The following RASGRF1 variants were observed in gnomAD, a reference collection of about 807,000 sequenced individuals.
RASGRF1 encodes the protein ras-specific guanine nucleotide-releasing factor 1.
A neutral mutation model predicts 138.7 loss-of-function variants in RASGRF1; 40 were observed. The ratio of observed to expected loss-of-function variants is 0.29; its 90% CI spans 0.22 to 0.38. The LOEUF is 0.38. RASGRF1 is among the 10% of genes least tolerant of loss of function. The probability of loss-of-function intolerance (pLI) is 1.00; values close to 1 mark genes in which losing one functional copy is unlikely to be tolerated. For missense variants in RASGRF1, 1,108 were observed against 1,650.4 expected (o/e 0.67, Z 5.69); for synonymous variants, 614 against 663.2 (o/e 0.93, Z 1.14).
At chr15:79,064,603 G>T in intron 1 of RASGRF1, 77 bp from the exon 2 acceptor site, 1 of 1,356,930 alleles carries the variant, frequency 7.4e-7, no homozygotes, top group Non-Finnish European at 1.1e-6. Flanking sequence ...CAATCTAGCT[G>T]TTTTGCAAAG....
chr15:79,024,721 C>T (rs2057020110), intron 10 of RASGRF1, among the ~76,000 whole-genome samples: 1 of 152,186 alleles, frequency 6.6e-6, no homozygotes, highest in African/African-American at 2.4e-5. Context: ...CCTTTGCCTT[C>T]CACCATGATT....
chr15:79,059,416 TCCCTTCCCTA>T (rs372106003), intron 2 of RASGRF1, among the ~76,000 whole-genome samples: 4 of 121,106 alleles, frequency 3.3e-5, no homozygotes, highest in Non-Finnish European at 5.1e-5. Context: ...TCCCTTCCCT[TCCCTTCCCTA>T]TCCTCCCTTA....
chr15:78,974,219 G>A (rs577033182), intron 24 of RASGRF1, among the ~76,000 whole-genome samples: 1 of 152,292 alleles, frequency 6.6e-6, no homozygotes, highest in South Asian at 2.1e-4. Flanking sequence ...CCCGGCGGTC[G>A]TTATGTGCCG....
chr15:79,090,309 C>A lies in RASGRF1; in HGVS notation c.190G>T (p.Gly64Trp). ...ACGCAGCCCTCCAGCAGGTAAAGCC[C>A]CGAGGGCCGCGAGCTCGAGTCGCTC... ...FESDSSSRPSGLYLLEGCVCD... is the reference protein window; with the variant it reads ...FESDSSSRPSWLYLLEGCVCD... The change falls in exon 1 of 27, where the codon GGG becomes TGG. Residue 64 changes from glycine (G) to tryptophan (W), a missense_variant. Physicochemically the swap from Gly to Trp is radical, Grantham distance 184. This residue lies in a region of RASGRF1 where 253 missense variants were observed against 329.5 expected (regional missense o/e 0.77). Coordinates refer to ENST00000558480, the MANE Select transcript of RASGRF1 (RefSeq NM_001145648.3). 6.2e-7 allele frequency: 1 copy of A among 1,613,724 alleles called. No homozygotes were observed. The highest frequency in any genetic ancestry group is 8.5e-7 in the Non-Finnish European group (1 of 1,179,950).
At chr15:78,982,501 A>G (rs1183862190) in intron 23 of RASGRF1, among the ~76,000 whole-genome samples, 1 of 152,046 alleles carries the variant, frequency 6.6e-6, no homozygotes, top group Non-Finnish European at 1.5e-5. Context: ...CTGGGCCAGG[A>G]GCTTCTATCC....
intron 23 of RASGRF1, among the ~76,000 whole-genome samples, chr15:78,984,116 G>A (rs1240727511): frequency 6.6e-6 from 1 of 152,196 alleles, no homozygotes; most frequent in Non-Finnish European, 1.5e-5. Flanking sequence ...AGAGAACAAT[G>A]AGGGGGACAC....
At chr15:79,043,930 C>T (rs74642748) in intron 5 of RASGRF1, among the ~76,000 whole-genome samples, 6,642 of 152,320 alleles carry the variant, frequency 0.044, 495 homozygotes, top group African/African-American at 0.15. Flanking sequence ...GAGCTCATTA[C>T]TCTTCCGAAC....
In RASGRF1 at chr15:79,032,010, C is replaced by G; in HGVS notation, c.1152+113G>C. ...GCTGGCCCTGACCACCTCCCCCGCCCCCTTTGGCAGCCCAGAGCTGGGGTG... is the reference window on the plus strand; with the variant it reads ...GCTGGCCCTGACCACCTCCCCCGCCGCCTTTGGCAGCCCAGAGCTGGGGTG... On this transcript the variant is annotated intron_variant, in intron 7 of 26. Transcript: ENST00000558480. This position sits in a 1 kb window ranked among gnomAD's most constrained non-coding sequence, Gnocchi z 4.5. The G allele has an allele frequency of 7.6e-7, 1 of 1,310,970 alleles. No individual in the cohort carries two copies. Among genetic ancestry groups the G allele is most frequent in the African/African-American group, 1.5e-5 (1 of 68,040 alleles). 81.2% of individuals were successfully genotyped at this position (1,310,970 alleles called of 1,614,324 possible).
At chr15:78,964,936 G>A (rs3759858) in intron 26 of RASGRF1, among the ~76,000 whole-genome samples, 20,097 of 151,644 alleles carry the variant, frequency 0.13, 1,518 homozygotes, top group African/African-American at 0.2. Context: ...CAGGCTGGTT[G>A]AGAACTCCTG....
At chr15:79,089,472 A>G (rs758862596) in intron 1 of RASGRF1, among the ~76,000 whole-genome samples, 11 of 152,244 alleles carry the variant, frequency 7.2e-5, no homozygotes, top group Non-Finnish European at 1.3e-4. Flanking sequence ...GCGCAGCGCT[A>G]TAGCCGCGAC....
In RASGRF1 at chr15:78,961,973, A is replaced by C. The variant is rs2055552458; in HGVS notation, c.*171T>G. On this transcript the variant is annotated 3_prime_UTR_variant, in exon 27 of 27. Coordinates refer to ENST00000558480, the MANE Select transcript of RASGRF1 (RefSeq NM_001145648.3). ...GGGAGGGATGGGTGGGCGAAGTCTG[A>C]AACGGTGCAGAAATTCATATTCCGG... 1 of 589,634 alleles carries C rather than the reference A, an allele frequency of 1.7e-6. No homozygotes were observed. The highest frequency in any genetic ancestry group is 3.0e-6 in the Non-Finnish European group (1 of 331,774). The allele number at this position is 589,634 out of a possible 1,614,324, so 36.5% of individuals were successfully genotyped here. A position where few individuals can be genotyped will look rare whatever the true frequency, so the allele number is the denominator to read the frequency against.
At chr15:78,999,018 G>A (rs779315749) in intron 17 of RASGRF1, among the ~76,000 whole-genome samples, 193 bp from the exon 18 acceptor site, 6 of 152,136 alleles carry the variant, frequency 3.9e-5, no homozygotes, top group Non-Finnish European at 7.4e-5. Flanking sequence ...CAGTCAACAC[G>A]GTCCATGCAT....
At chr15:79,048,158 T>C (rs543479375) in intron 4 of RASGRF1, among the ~76,000 whole-genome samples, 1 of 152,210 alleles carries the variant, frequency 6.6e-6, no homozygotes, top group African/African-American at 2.4e-5. Flanking sequence ...AGAACACCGG[T>C]CAGGGCGTCT....
intron 3 of RASGRF1, among the ~76,000 whole-genome samples, chr15:79,055,101 A>G (rs1375629110): frequency 2.0e-5 from 3 of 152,328 alleles, no homozygotes; most frequent in East Asian, 3.9e-4. Context: ...GATTTCAGCC[A>G]GGAGATCCAG....
rs953127999 is a variant in RASGRF1 at position 79,046,664 on chromosome 15, G to A, written c.878+82C>T. The A allele has an allele frequency of 4.4e-6, 7 of 1,575,700 alleles. No individual in the cohort carries two copies. The highest frequency in any genetic ancestry group is 2.3e-5 in the South Asian group (2 of 85,292). Reference sequence around the variant, plus strand: ...CTCATCTGCACTCGGTGGGAACCACGTGAGAGAGTGTGTCAAAGCTTAGCT... The same window carrying A: ...CTCATCTGCACTCGGTGGGAACCACATGAGAGAGTGTGTCAAAGCTTAGCT... On this transcript the variant is annotated intron_variant, in intron 5 of 26. Coordinates refer to ENST00000558480, the MANE Select transcript of RASGRF1 (RefSeq NM_001145648.3). The surrounding 1 kb of genome is among the most constrained non-coding windows in gnomAD (Gnocchi z 5.3).
intron 24 of RASGRF1, among the ~76,000 whole-genome samples, chr15:78,974,393 G>A (rs7174399): frequency 0.28 from 42,784 of 152,034 alleles, 6,395 homozygotes; most frequent in African/African-American, 0.38. Flanking sequence ...AACCCTGCTA[G>A]CCTGGAGGAA....
At chr15:79,011,109 C>T (rs1003150003) in intron 13 of RASGRF1, among the ~76,000 whole-genome samples, 2 of 152,050 alleles carry the variant, frequency 1.3e-5, no homozygotes, top group African/African-American at 4.8e-5. Context: ...ATCCGCTCCC[C>T]ATTCTCCCCA....
At position 79,090,216 on chromosome 15, in the gene RASGRF1, G is replaced by A. The variant is rs762565141; in HGVS notation, c.276+7C>T. The A allele has an allele frequency of 3.1e-6, 5 of 1,596,208 alleles. No individual in the cohort carries two copies. The highest frequency in any genetic ancestry group is 1.3e-5 in the African/African-American group (1 of 74,498). On this transcript the variant is annotated splice_region_variant and intron_variant, in intron 1 of 26. Coordinates refer to ENST00000558480, the MANE Select transcript of RASGRF1 (RefSeq NM_001145648.3). Reference sequence around the variant, plus strand: ...GCAGGGAGGTCAGGACGCGACGCTCGCCTCACCTGTTTCTCCAGCGGCTCC... The same window carrying A: ...GCAGGGAGGTCAGGACGCGACGCTCACCTCACCTGTTTCTCCAGCGGCTCC...
At position 79,060,303 on chromosome 15, in the gene RASGRF1, C is replaced by T. The variant is rs575321585; in HGVS notation, c.384-1822G>A. The stretch of plus-strand genomic sequence containing the variant: ...GGGAGGCCAGTGGGCTGACCCAGAC[C>T]CCAGGGCTTGACAAAGGAAGAAGGC... On this transcript the variant is annotated intron_variant, in intron 2 of 26. Coordinates refer to ENST00000558480, the MANE Select transcript of RASGRF1 (RefSeq NM_001145648.3). 1.3e-3 allele frequency among the ~76,000 whole-genome samples: 196 copies of T among 152,314 alleles called. 1 individual carries two copies. The highest frequency in any genetic ancestry group is 0.013 in the South Asian group (61 of 4,826).
Sources: gnomAD v4.1 joint callset for allele counts (sites outside exome capture counted in the v4.1 genomes callset) on GRCh38, gnomAD v4.1.1 for gene constraint, gnomAD v4.1.1 regional missense constraint, Gnocchi (gnomAD v3.1) non-coding constraint, MANE v1.5 for transcripts, NCBI Gene and HGNC (gene_info 2026-07-23, HGNC 2026-07-21) for gene names.